The following SDC2 variants were observed in gnomAD, a reference collection of about 807,000 sequenced individuals.
SDC2 encodes syndecan-2.
A neutral mutation model predicts 22.2 loss-of-function variants in SDC2; 13 were observed. The ratio of observed to expected loss-of-function variants is 0.59; its 90% CI spans 0.38 to 0.93. The LOEUF (loss-of-function observed/expected upper bound fraction) is 0.93, where lower values mean the gene tolerates loss of function less well. SDC2 is among the 40% of genes least tolerant of loss of function. SDC2 has a pLI of 0.00. For missense variants in SDC2, 235 were observed against 246.8 expected (o/e 0.95, Z 0.32); for synonymous variants, 94 against 92.8 (o/e 1.01, Z -0.07).
chr8:96,508,296 AAATAATAATAATAATAAT>A (rs35792253), intron 1 of SDC2, among the ~76,000 whole-genome samples: 29,355 of 130,870 alleles, frequency 0.22, 3,401 homozygotes, highest in Non-Finnish European at 0.27. Context: ...ACTCCGTCTC[AAATAATAATAATAATAAT>A]AATAATAATA....
intron 1 of SDC2, among the ~76,000 whole-genome samples, chr8:96,578,784 A>G (rs1261638015): frequency 2.0e-5 from 3 of 152,176 alleles, no homozygotes; most frequent in Admixed American, 6.5e-5. Flanking sequence ...TTGCTTATTT[A>G]GTTTGGTGTT....
intron 1 of SDC2, among the ~76,000 whole-genome samples, chr8:96,585,312 C>G (rs1379017175): frequency 6.6e-6 from 1 of 152,090 alleles, no homozygotes; most frequent in Admixed American, 6.5e-5. Flanking sequence ...CGAAATGTGT[C>G]AAGAGTTTGG....
chr8:96,520,159 T>G (rs2130457746), intron 1 of SDC2, among the ~76,000 whole-genome samples: 1 of 152,322 alleles, frequency 6.6e-6, no homozygotes, highest in South Asian at 2.1e-4. Context: ...ACTTTTTACT[T>G]TTAAAAGTAT....
At chr8:96,599,291 A>G (rs1053111667) in intron 2 of SDC2, among the ~76,000 whole-genome samples, 8 of 152,022 alleles carry the variant, frequency 5.3e-5, no homozygotes, top group African/African-American at 1.9e-4. Flanking sequence ...CTACGTTACA[A>G]ATCTCTTCCC....
chr8:96,576,685 T>C (rs2514782), intron 1 of SDC2, among the ~76,000 whole-genome samples: 138,955 of 150,744 alleles, frequency 0.92, 64,331 homozygotes, highest in Non-Finnish European at 0.97. Flanking sequence ...TCCCAAAGTG[T>C]TGGGATTACA....
intron 1 of SDC2, among the ~76,000 whole-genome samples, chr8:96,502,365 T>C (rs1813179398): frequency 6.6e-6 from 1 of 152,160 alleles, no homozygotes; most frequent in African/African-American, 2.4e-5. Context: ...GAGATTTGGG[T>C]GAACACACAG....
At chr8:96,535,296 T>C (rs1293737303) in intron 1 of SDC2, among the ~76,000 whole-genome samples, 7 of 152,220 alleles carry the variant, frequency 4.6e-5, no homozygotes, top group Non-Finnish European at 8.8e-5. Flanking sequence ...TGTGAGCCAC[T>C]GTGCCCGGCC....
intron 1 of SDC2, among the ~76,000 whole-genome samples, chr8:96,571,883 G>A (rs1272456342): frequency 6.6e-6 from 1 of 152,180 alleles, no homozygotes; most frequent in Admixed American, 6.5e-5. Flanking sequence ...TTGGATCCTG[G>A]CGCTGTGAAG....
chr8:96,526,614 G>T (rs1376375871), intron 1 of SDC2, among the ~76,000 whole-genome samples: 3 of 152,038 alleles, frequency 2.0e-5, no homozygotes, highest in African/African-American at 7.2e-5. Flanking sequence ...GAAGGAATTG[G>T]GTGAAAATTA....
At chr8:96,524,652 G>C (rs1344529651) in intron 1 of SDC2, among the ~76,000 whole-genome samples, 1 of 150,388 alleles carries the variant, frequency 6.6e-6, no homozygotes, top group East Asian at 1.9e-4. Context: ...GTTAATGATT[G>C]CAGGGTGGCT....
chr8:96,535,084 A>G (rs779518012), intron 1 of SDC2, among the ~76,000 whole-genome samples: 41 of 151,344 alleles, frequency 2.7e-4, no homozygotes, highest in Non-Finnish European at 5.3e-4. Context: ...GCTCACTGCA[A>G]CCTCCGCCTC....
chr8:96,565,084 ATTTTT>A (rs11304418), intron 1 of SDC2, among the ~76,000 whole-genome samples: 2 of 67,800 alleles, frequency 2.9e-5, no homozygotes, highest in African/African-American at 5.4e-5. Context: ...CCTAAATTTG[ATTTTT>A]TTTTTTTTTT....
chr8:96,599,815 A>G (rs1301328408), intron 2 of SDC2, among the ~76,000 whole-genome samples: 1 of 152,110 alleles, frequency 6.6e-6, no homozygotes, highest in Non-Finnish European at 1.5e-5. Flanking sequence ...TATGTTTTGA[A>G]ATTAAAGGAG....
intron 1 of SDC2, among the ~76,000 whole-genome samples, chr8:96,526,464 T>C (rs1586280516): frequency 6.6e-6 from 1 of 152,176 alleles, no homozygotes; most frequent in African/African-American, 2.4e-5. Context: ...AAACTTCTTC[T>C]CTCCCTCCTT....
Position 96,610,685 on chromosome 8 carries a change from A to G in SDC2, c.*1137A>G, listed in dbSNP as rs890981456. ...TTTGTACATTTTTGATCAAATGTACATCTCCCCTTTGCTAACGGCCGTCTG... is the reference window on the plus strand; with the variant it reads ...TTTGTACATTTTTGATCAAATGTACGTCTCCCCTTTGCTAACGGCCGTCTG... On this transcript the variant is annotated 3_prime_UTR_variant, in exon 5 of 5. Transcript: ENST00000302190. The G allele has an allele frequency of 3.3e-5, 5 of 152,604 alleles. No homozygotes were observed. Among genetic ancestry groups the G allele is most frequent in the African/African-American group, 9.7e-5 (4 of 41,438 alleles). 9.5% of individuals were successfully genotyped at this position (152,604 alleles called of 1,614,324 possible).
rs76528371 is a variant in SDC2 at position 96,531,249 on chromosome 8, A to G, written c.60+36918A>G. Among the ~76,000 whole-genome samples, 821 of 152,326 alleles carry G rather than the reference A, an allele frequency of 5.4e-3. 6 individuals carry two copies. The highest frequency in any genetic ancestry group is 8.4e-3 in the Non-Finnish European group (569 of 68,040). On this transcript the variant is annotated intron_variant, in intron 1 of 4. Transcript: ENST00000302190. ...TAAATAGAATTTGAGCATTTCAGAA[A>G]CTGGAGTTTAATATAACTTCTCTTT...
chr8:96,523,632 CTGGT>C (rs1244594977), intron 1 of SDC2, among the ~76,000 whole-genome samples: 1 of 152,076 alleles, frequency 6.6e-6, no homozygotes, highest in African/African-American at 2.4e-5. Flanking sequence ...CCCAAAATGC[CTGGT>C]AGGAAGAGGC....
At chr8:96,565,410 C>A (rs1814283944) in intron 1 of SDC2, among the ~76,000 whole-genome samples, 1 of 152,072 alleles carries the variant, frequency 6.6e-6, no homozygotes, top group Non-Finnish European at 1.5e-5. Flanking sequence ...ATCTTTGATT[C>A]AGAAGATATC....
At chr8:96,577,630 T>G (rs375872844) in intron 1 of SDC2, among the ~76,000 whole-genome samples, 30 of 152,252 alleles carry the variant, frequency 2.0e-4, no homozygotes, top group African/African-American at 6.5e-4. Flanking sequence ...CCTTGTATTA[T>G]ACACTTACAT....
Sources: gnomAD v4.1 joint callset for allele counts (sites outside exome capture counted in the v4.1 genomes callset) on GRCh38, gnomAD v4.1.1 for gene constraint, MANE v1.5 for transcripts, NCBI Gene and HGNC (gene_info 2026-07-23, HGNC 2026-07-21) for gene names.